The following SYT1 variants were observed in gnomAD, a reference collection of about 807,000 sequenced individuals.
The protein encoded by SYT1 is synaptotagmin-1.
Under a neutral mutation model 44.8 loss-of-function variants are expected in SYT1, and 8 were observed. The ratio of observed to expected loss-of-function variants is 0.18; its 90% CI spans 0.10 to 0.32. The LOEUF is 0.32. Ranked by LOEUF, SYT1 falls within the 10% of genes least tolerant of loss-of-function variation. The probability of loss-of-function intolerance (pLI) is 1.00; values close to 1 mark genes in which losing one functional copy is unlikely to be tolerated. For synonymous variants in SYT1, 154 were observed against 188.8 expected (o/e 0.82, Z 1.51); for missense variants, 286 against 509.3 (o/e 0.56, Z 4.22).
chr12:79,231,463 C>A (rs61927351), intron 4 of SYT1, among the ~76,000 whole-genome samples: 6,848 of 151,874 alleles, frequency 0.045, 169 homozygotes, highest in African/African-American at 0.052. Context: ...TCTTCTCTTT[C>A]AAGCTGTTTT....
intron 1 of SYT1, among the ~76,000 whole-genome samples, chr12:78,931,238 A>AGAAAGAAAGAAG (rs1877667216): frequency 4.9e-5 from 2 of 41,122 alleles, no homozygotes; most frequent in Admixed American, 3.0e-4. Context: ...AAAGAAAGAA[A>AGAAAGAAAGAAG]GAAGGAAGGA....
intron 8 of SYT1, among the ~76,000 whole-genome samples, chr12:79,327,463 C>T (rs1031691495): frequency 6.6e-6 from 1 of 152,092 alleles, no homozygotes; most frequent in Non-Finnish European, 1.5e-5. Context: ...AACATATAGC[C>T]AAAAATACCC....
rs568771218 is a variant in SYT1 at position 79,177,808 on chromosome 12, C to T, written c.-17-39695C>T. ...TTCTCTGATGGCCAGTGATGATGAGCATTTCTTCATGTGTTTTTTGGCTGC... is the reference window on the plus strand; with the variant it reads ...TTCTCTGATGGCCAGTGATGATGAGTATTTCTTCATGTGTTTTTTGGCTGC... On this transcript the variant is annotated intron_variant, in intron 3 of 10. Transcript: ENST00000261205. Among the ~76,000 whole-genome samples the T allele has an allele frequency of 6.8e-3, 848 of 124,132 alleles. 8 individuals are homozygous for T. The highest frequency in any genetic ancestry group is 0.011 in the Non-Finnish European group (693 of 60,336). The allele number at this position is 124,132 out of a possible 152,430, so 81.4% of individuals were successfully genotyped here.
chr12:79,307,235 C>T (rs1880439865), intron 8 of SYT1, among the ~76,000 whole-genome samples: 2 of 152,142 alleles, frequency 1.3e-5, no homozygotes, highest in East Asian at 1.9e-4. Context: ...AATGAGGACT[C>T]GCTGAAAAAC....
At chr12:79,258,111 A>G (rs1877630783) in intron 4 of SYT1, among the ~76,000 whole-genome samples, 1 of 52,982 alleles carries the variant, frequency 1.9e-5, no homozygotes, top group African/African-American at 2.6e-4. Context: ...ATGACAATAA[A>G]CAAGAATATC....
intron 3 of SYT1, among the ~76,000 whole-genome samples, chr12:79,179,367 G>GATATATCTATATATATATCC (rs1565841992): frequency 2.3e-3 from 5 of 2,182 alleles, no homozygotes; most frequent in East Asian, 0.013. Flanking sequence ...TATAGATATA[G>GATATATCTATATATATATCC]ATATAGATAT....
intron 1 of SYT1, among the ~76,000 whole-genome samples, chr12:78,910,129 C>T (rs1296900033): frequency 6.6e-6 from 1 of 151,866 alleles, no homozygotes; most frequent in South Asian, 2.1e-4. Flanking sequence ...ATTGAGTGGG[C>T]CCCAGAACTA....
intron 3 of SYT1, among the ~76,000 whole-genome samples, chr12:79,158,707 G>A (rs888102557): frequency 5.9e-5 from 9 of 152,174 alleles, no homozygotes; most frequent in Admixed American, 5.2e-4. Flanking sequence ...AGACCAGCCT[G>A]GGCAACATGG....
chr12:79,366,900 G>C (rs1392094271), intron 9 of SYT1, among the ~76,000 whole-genome samples: 5 of 85,142 alleles, frequency 5.9e-5, no homozygotes, highest in Non-Finnish European at 9.5e-5. Context: ...AATACTGTGT[G>C]TGTGTGTGTG....
chr12:79,029,730 A>C (rs187403738), intron 2 of SYT1, among the ~76,000 whole-genome samples: 1 of 151,340 alleles, frequency 6.6e-6, no homozygotes, highest in East Asian at 1.9e-4. Flanking sequence ...TGTTATTCTA[A>C]GAATTCTCAC....
intron 1 of SYT1, among the ~76,000 whole-genome samples, chr12:78,926,887 C>G (rs927771010): frequency 3.9e-5 from 6 of 151,926 alleles, no homozygotes; most frequent in African/African-American, 9.7e-5. Context: ...TTTAATGCAC[C>G]TTTGGTACAC....
At chr12:79,186,680 C>T (rs929353373) in intron 3 of SYT1, among the ~76,000 whole-genome samples, 15 of 152,000 alleles carry the variant, frequency 9.9e-5, no homozygotes, top group Admixed American at 9.9e-4. Flanking sequence ...CCTGGTTTCC[C>T]ACATCAAAGA....
At chr12:79,299,703 C>A in intron 8 of SYT1, 152 bp downstream of exon 8, 2 of 919,328 alleles carry the variant, frequency 2.2e-6, no homozygotes, top group Non-Finnish European at 3.1e-6. Context: ...ACTGCACCAC[C>A]TCGTTAAAAA....
chr12:79,215,647 G>C (rs1335789584), intron 3 of SYT1, among the ~76,000 whole-genome samples: 2 of 152,168 alleles, frequency 1.3e-5, no homozygotes, highest in East Asian at 3.9e-4. Flanking sequence ...AATGAGCTAT[G>C]ATCTCGCCAC....
At chr12:79,349,087 GAGGA>G (rs1454926572) in intron 8 of SYT1, among the ~76,000 whole-genome samples, 4 of 149,192 alleles carry the variant, frequency 2.7e-5, no homozygotes, top group African/African-American at 9.9e-5. Context: ...GGAAGGAAGG[GAGGA>G]AGGAAGGACG....
At chr12:79,081,956 A>G (rs1219618882) in intron 3 of SYT1, among the ~76,000 whole-genome samples, 1 of 152,166 alleles carries the variant, frequency 6.6e-6, no homozygotes, top group Non-Finnish European at 1.5e-5. Context: ...TGAAATAAAT[A>G]CAAAAATATA....
chr12:79,120,510 T>G (rs919820581), intron 3 of SYT1, among the ~76,000 whole-genome samples: 1 of 152,172 alleles, frequency 6.6e-6, no homozygotes, highest in African/African-American at 2.4e-5. Context: ...GAATTTCTAT[T>G]TAGCAGTCAA....
intron 9 of SYT1, among the ~76,000 whole-genome samples, chr12:79,390,753 C>T (rs1486106205): frequency 1.3e-5 from 2 of 152,190 alleles, no homozygotes; most frequent in Non-Finnish European, 2.9e-5. Flanking sequence ...AACCTTTCAA[C>T]ACTTTTCCTT....
intron 3 of SYT1, among the ~76,000 whole-genome samples, chr12:79,103,716 G>A (rs534742620): frequency 6.6e-6 from 1 of 151,994 alleles, no homozygotes; most frequent in African/African-American, 2.4e-5. Context: ...ACCTCTTAGT[G>A]TCCAACTCAA....
Sources: allele counts gnomAD v4.1 joint callset (sites outside exome capture counted in the v4.1 genomes callset), GRCh38; gene constraint gnomAD v4.1.1; transcripts MANE v1.5; gene names NCBI Gene and HGNC (gene_info 2026-07-23, HGNC 2026-07-21).